Variants in STAG1 observed in about 807,000 individuals in gnomAD.
STAG1 encodes cohesin subunit SA-1.
A neutral mutation model predicts 170.9 loss-of-function variants in STAG1; 26 were observed. The observed-to-expected ratio is 0.15, with a 90% CI of 0.11 to 0.21. STAG1 has a LOEUF of 0.21. STAG1 is among the 10% of genes least tolerant of loss of function. STAG1 has a pLI of 1.00. For synonymous variants in STAG1, 514 were observed against 497.7 expected, an observed-to-expected ratio of 1.03 and a Z score of -0.44; for missense variants, 964 against 1,509.5, an observed-to-expected ratio of 0.64 and a Z score of 5.99.
At chr3:136,404,863 ATGTGTG>A (rs34596713) in intron 21 of STAG1, among the ~76,000 whole-genome samples, 189 of 148,800 alleles carry the variant, frequency 1.3e-3, no homozygotes, top group African/African-American at 3.0e-3. Flanking sequence ...TTATGCATAT[ATGTGTG>A]TGTGTGTGTG....
chr3:136,541,538 T>TCACACACACACACACACACTCACTCA (rs1473951429), intron 6 of STAG1, among the ~76,000 whole-genome samples: 1 of 123,122 alleles, frequency 8.1e-6, no homozygotes, highest in Non-Finnish European at 1.7e-5. Context: ...AGCTTAACAT[T>TCACACACACACACACACACTCACTCA]CACACACACA....
intron 1 of STAG1, among the ~76,000 whole-genome samples, chr3:136,748,093 A>T (rs1413697550): frequency 2.1e-5 from 3 of 144,548 alleles, no homozygotes; most frequent in African/African-American, 7.5e-5. Context: ...TGTAATTTTT[A>T]AAAAATAAAA....
chr3:136,577,389 G>A (rs1937503242), intron 4 of STAG1, among the ~76,000 whole-genome samples: 1 of 152,164 alleles, frequency 6.6e-6, no homozygotes, highest in South Asian at 2.1e-4. Context: ...TTTCTCATCT[G>A]GAAGTAAGGA....
intron 1 of STAG1, among the ~76,000 whole-genome samples, chr3:136,717,715 G>C (rs1045705285): frequency 4.6e-5 from 7 of 152,102 alleles, no homozygotes; most frequent in African/African-American, 1.7e-4. Flanking sequence ...AAACAACACA[G>C]AAAAGAGATG....
At chr3:136,458,744 A>T (rs776355001) in intron 13 of STAG1, among the ~76,000 whole-genome samples, 1 of 151,506 alleles carries the variant, frequency 6.6e-6, no homozygotes, top group East Asian at 1.9e-4. Flanking sequence ...TGAAACGATT[A>T]AAAAAAAACA....
chr3:136,452,820 C>T (rs1373184930), intron 13 of STAG1, among the ~76,000 whole-genome samples: 1 of 152,042 alleles, frequency 6.6e-6, no homozygotes, highest in Admixed American at 6.5e-5. Context: ...GACAGAGTCT[C>T]GCTCTGTCAC....
chr3:136,519,222 G>A (rs1018702636), intron 7 of STAG1, among the ~76,000 whole-genome samples: 1 of 152,030 alleles, frequency 6.6e-6, no homozygotes, highest in African/African-American at 2.4e-5. Context: ...CTCCTCTTAT[G>A]TTCTTAGAGT....
intron 3 of STAG1, among the ~76,000 whole-genome samples, chr3:136,611,745 T>C (rs570462343): frequency 6.8e-6 from 1 of 147,492 alleles, no homozygotes; most frequent in African/African-American, 2.5e-5. Flanking sequence ...GCTCAAGATA[T>C]CTGCCTGCCT....
chr3:136,484,697 T>C (rs1170583660), intron 9 of STAG1, among the ~76,000 whole-genome samples: 2 of 151,062 alleles, frequency 1.3e-5, no homozygotes, highest in African/African-American at 4.9e-5. Context: ...CCTTGCAGTT[T>C]GATCTCAGAC....
At chr3:136,746,846 C>T (rs1019011677) in intron 1 of STAG1, among the ~76,000 whole-genome samples, 1 of 151,808 alleles carries the variant, frequency 6.6e-6, no homozygotes, top group Non-Finnish European at 1.5e-5. Context: ...CCTGTAATCC[C>T]AGCACTTTCG....
Position 136,506,635 on chromosome 3 carries a change from G to C in STAG1, c.677-3856C>G, listed in dbSNP as rs1933780085. 3.3e-5 allele frequency among the ~76,000 whole-genome samples: 4 copies of C among 120,984 alleles called. No homozygotes were observed. The South Asian group carries it at 1.0e-3, about 30-fold the overall frequency. 79.4% of individuals were successfully genotyped at this position (120,984 alleles called of 152,430 possible). A position where few individuals can be genotyped will look rare whatever the true frequency, so the allele number is the denominator to read the frequency against. The stretch of plus-strand genomic sequence containing the variant: ...CACTCCAGCCTGTGAGACACAGCAA[G>C]ACTCCACCTCAAAAAAAAAAAAAAA... On this transcript the variant is annotated intron_variant, in intron 7 of 33. Transcript: ENST00000383202.
intron 3 of STAG1, among the ~76,000 whole-genome samples, chr3:136,610,066 C>A (rs1226776230): frequency 6.6e-6 from 1 of 151,688 alleles, no homozygotes; most frequent in Non-Finnish European, 1.5e-5. Context: ...GATGGAGTCT[C>A]GTCTGTCGCC....
rs1175092374 is a variant in STAG1, at chr3:136,606,192, A to AT, written c.133-1720dup. Among the ~76,000 whole-genome samples, 309 of 145,610 alleles carry AT rather than the reference A, an allele frequency of 2.1e-3. 1 individual carries two copies. The highest frequency in any genetic ancestry group is 2.6e-3 in the South Asian group (12 of 4,586). On this transcript the variant is annotated intron_variant, in intron 3 of 33. Coordinates refer to ENST00000383202, the MANE Select transcript of STAG1 (RefSeq NM_005862.3). ...TAACAAAAGCCCATACTTTCTTTGA[A>AT]TTTTTTTTTTTTTTGAGAGGGAGTC... is the stretch of plus-strand genomic sequence containing the variant.
At chr3:136,430,909 CTT>C (rs35271419) in intron 16 of STAG1, among the ~76,000 whole-genome samples, 2 of 140,492 alleles carry the variant, frequency 1.4e-5, no homozygotes, top group Non-Finnish European at 3.1e-5. Flanking sequence ...TACATTCTTC[CTT>C]TTTTTTTTTG....
At chr3:136,553,728 C>T (rs573838561) in intron 5 of STAG1, among the ~76,000 whole-genome samples, 1 of 152,224 alleles carries the variant, frequency 6.6e-6, no homozygotes, top group South Asian at 2.1e-4. Context: ...GAGCCAAGAT[C>T]GCGCCACTGC....
chr3:136,747,977 C>G (rs1360524294), intron 1 of STAG1, among the ~76,000 whole-genome samples: 1 of 151,652 alleles, frequency 6.6e-6, no homozygotes, highest in Non-Finnish European at 1.5e-5. Context: ...AGGGTTTCAC[C>G]GTGTTGCCAG....
intron 1 of STAG1, among the ~76,000 whole-genome samples, chr3:136,742,789 T>G (rs796196064): frequency 8.6e-5 from 13 of 150,834 alleles, no homozygotes; most frequent in African/African-American, 3.2e-4. Context: ...ATATCACAAA[T>G]TAAAAAGAAT....
chr3:136,338,615 A>AAAAC (rs969224438), intron 32 of STAG1, among the ~76,000 whole-genome samples, 165 bp from the exon 33 acceptor site: 2 of 152,242 alleles, frequency 1.3e-5, no homozygotes, highest in East Asian at 1.9e-4. Flanking sequence ...AGATTTTTTA[A>AAAAC]AAACAAACAG....
intron 1 of STAG1, among the ~76,000 whole-genome samples, chr3:136,700,872 TTTTC>T: frequency 6.9e-6 from 1 of 145,666 alleles, no homozygotes; most frequent in Admixed American, 7.0e-5. Flanking sequence ...GCTCTATTTT[TTTTC>T]TTTTTTTTTT....
Sources: allele counts gnomAD v4.1 joint callset (sites outside exome capture counted in the v4.1 genomes callset), GRCh38; gene constraint gnomAD v4.1.1; transcripts MANE v1.5; gene names NCBI Gene and HGNC (gene_info 2026-07-23, HGNC 2026-07-21).